MCF2L2: variants seen among roughly 807,000 people sequenced by gnomAD.
MCF2L2 encodes probable guanine nucleotide exchange factor MCF2L2.
Under a neutral mutation model 150.2 loss-of-function variants are expected in MCF2L2, and 102 were observed. That is an observed-to-expected ratio of 0.68 (90% CI 0.58 to 0.80). MCF2L2 has a LOEUF of 0.80. Among genes scored for constraint, MCF2L2 ranks in the 30% least tolerant of loss-of-function variants. The pLI is 0.00. For missense variants in MCF2L2, 1,256 were observed against 1,372.8 expected (o/e 0.91, Z 1.34); for synonymous variants, 465 against 491.3 (o/e 0.95, Z 0.71).
rs758702701 is a variant in MCF2L2 at position 183,206,176 on chromosome 3, G to GCTC, written c.2748_2750dup (p.Gly916_Ser917insArg). 3.1e-6 allele frequency: 5 copies of GCTC among 1,613,988 alleles called. No homozygotes were observed. The African/African-American group carries it at 5.3e-5, about 17-fold the overall frequency. ...GACTGGCAATCTCAAACTTTCTATG[G>GCTC]CTCCCCCTTCCAAGCTGGCGAATTG... On this transcript the variant is annotated inframe_insertion, in exon 24 of 30. Transcript: ENST00000328913.
chr3:183,361,533 G>T (rs1482940830), intron 3 of MCF2L2, among the ~76,000 whole-genome samples: 1 of 152,080 alleles, frequency 6.6e-6, no homozygotes, highest in South Asian at 2.1e-4. Flanking sequence ...CTCTCCTGCC[G>T]CCATGGTAAG....
intron 15 of MCF2L2, among the ~76,000 whole-genome samples, chr3:183,240,552 C>T (rs966065613): frequency 6.6e-6 from 1 of 152,216 alleles, no homozygotes. Flanking sequence ...TCTTCATTCT[C>T]TCTTCAAGAA....
intron 7 of MCF2L2, among the ~76,000 whole-genome samples, chr3:183,314,887 A>G (rs1207247234): frequency 5.9e-5 from 1 of 16,830 alleles, no homozygotes; most frequent in African/African-American, 1.9e-4. Context: ...AAGTTTAAAC[A>G]GTATCTCTTT....
chr3:183,346,458 C>T (rs1577079298), intron 3 of MCF2L2, among the ~76,000 whole-genome samples: 1 of 152,164 alleles, frequency 6.6e-6, no homozygotes, highest in South Asian at 2.1e-4. Context: ...CAATATCATA[C>T]TGAATGGGCA....
At chr3:183,363,594 G>A (rs1218441888) in intron 3 of MCF2L2, among the ~76,000 whole-genome samples, 1 of 152,106 alleles carries the variant, frequency 6.6e-6, no homozygotes, top group East Asian at 1.9e-4. Context: ...AAAATAATTA[G>A]CCAGGCATAA....
intron 1 of MCF2L2, among the ~76,000 whole-genome samples, chr3:183,416,444 T>C (rs561727328): frequency 2.0e-5 from 3 of 152,298 alleles, no homozygotes; most frequent in East Asian, 3.8e-4. Context: ...AAATATATTA[T>C]ATTACTGAAT....
intron 9 of MCF2L2, 66 bp downstream of exon 9, chr3:183,310,849 G>T: frequency 9.7e-7 from 1 of 1,034,300 alleles, no homozygotes; most frequent in Non-Finnish European, 1.5e-6. Flanking sequence ...CAAAGAGTGA[G>T]GAGGGAGAGA....
At chr3:183,409,551 CT>C (rs11336262) in intron 1 of MCF2L2, among the ~76,000 whole-genome samples, 24,848 of 121,448 alleles carry the variant, frequency 0.2, 1,607 homozygotes, top group African/African-American at 0.27. Flanking sequence ...GCTAAAATTT[CT>C]TTTTTTTTTT....
intron 21 of MCF2L2, among the ~76,000 whole-genome samples, chr3:183,219,181 T>C (rs1723052947): frequency 1.3e-5 from 2 of 152,092 alleles, no homozygotes; most frequent in Non-Finnish European, 2.9e-5. Flanking sequence ...CATATAGAAA[T>C]TAGATATACT....
intron 3 of MCF2L2, among the ~76,000 whole-genome samples, chr3:183,360,937 G>T (rs1414445550): frequency 7.3e-6 from 1 of 136,598 alleles, no homozygotes; most frequent in Non-Finnish European, 1.5e-5. Flanking sequence ...CCTCCAGCCT[G>T]GGCAAGAAGA....
intron 27 of MCF2L2, 45 bp from the exon 28 acceptor site, chr3:183,180,204 G>T: frequency 1.6e-6 from 2 of 1,260,702 alleles, no homozygotes; most frequent in Non-Finnish European, 2.3e-6. Flanking sequence ...GGGGTGGGAG[G>T]ACATCCCCTC....
intron 26 of MCF2L2, 29 bp from the exon 27 acceptor site, chr3:183,193,125 T>A: frequency 9.2e-6 from 14 of 1,520,850 alleles, no homozygotes; most frequent in Non-Finnish European, 1.3e-5. Context: ...GAATATTGAG[T>A]CACTGGAAGG....
At chr3:183,279,494 A>G (rs1727354428) in intron 14 of MCF2L2, among the ~76,000 whole-genome samples, 1 of 152,158 alleles carries the variant, frequency 6.6e-6, no homozygotes, top group African/African-American at 2.4e-5. Flanking sequence ...CAGAGCAACA[A>G]TCGTTTCTTG....
intron 28 of MCF2L2, 49 bp downstream of exon 28, chr3:183,180,022 G>T: frequency 7.1e-7 from 1 of 1,413,660 alleles, no homozygotes; most frequent in Non-Finnish European, 1.0e-6. Flanking sequence ...AGGAGCTGAT[G>T]AATAGGAAGG....
rs147184902 is a variant in MCF2L2 at position 183,356,374 on chromosome 3, G to A, written c.276-14744C>T. Among the ~76,000 whole-genome samples, 143 of 152,156 alleles carry A rather than the reference G, an allele frequency of 9.4e-4. 1 individual carries two copies. Among genetic ancestry groups the A allele is most frequent in the African/African-American group, 2.6e-3 (110 of 41,510 alleles). On this transcript the variant is annotated intron_variant, in intron 3 of 29. Transcript: ENST00000328913. Reference sequence around the variant, plus strand: ...CTAAAAATATAAAAATTAGTTGGGCGTGGTGGCATGCACCTGTAGTCCCAG... The same window carrying A: ...CTAAAAATATAAAAATTAGTTGGGCATGGTGGCATGCACCTGTAGTCCCAG...
chr3:183,211,665 G>A (rs960745244), intron 22 of MCF2L2, among the ~76,000 whole-genome samples: 4 of 152,230 alleles, frequency 2.6e-5, no homozygotes, highest in Non-Finnish European at 5.9e-5. Flanking sequence ...CTAGACTGTA[G>A]TTGATCTCAA....
At chr3:183,417,536 T>C (rs1001580497) in intron 1 of MCF2L2, among the ~76,000 whole-genome samples, 1 of 152,228 alleles carries the variant, frequency 6.6e-6, no homozygotes, top group Non-Finnish European at 1.5e-5. Context: ...CTGATGCTCT[T>C]TGTTTTCCAT....
At chr3:183,196,443 A>G (rs1722085607) in intron 25 of MCF2L2, among the ~76,000 whole-genome samples, 1 of 152,180 alleles carries the variant, frequency 6.6e-6, no homozygotes, top group Non-Finnish European at 1.5e-5. Context: ...GGCAGGCGTA[A>G]GGTACTGACA....
At chr3:183,244,177 A>G (rs1233266953) in intron 15 of MCF2L2, among the ~76,000 whole-genome samples, 1 of 150,122 alleles carries the variant, frequency 6.7e-6, no homozygotes, top group African/African-American at 2.5e-5. Context: ...CTGTTCCTCT[A>G]GAACCATTCC....
Sources: allele counts gnomAD v4.1 joint callset (sites outside exome capture counted in the v4.1 genomes callset), GRCh38; gene constraint gnomAD v4.1.1; transcripts MANE v1.5; gene names NCBI Gene and HGNC (gene_info 2026-07-23, HGNC 2026-07-21).